CDK12: variants seen among roughly 807,000 people sequenced by gnomAD.
CDK12 encodes the protein cyclin-dependent kinase 12.
A neutral mutation model predicts 133.8 loss-of-function variants in CDK12; 17 were observed. That is an observed-to-expected ratio of 0.13 (90% CI 0.09 to 0.19). The LOEUF is 0.19. Among genes scored for constraint, CDK12 ranks in the 10% least tolerant of loss-of-function variants. The pLI, the probability that CDK12 is intolerant of heterozygous loss-of-function variation, is 1.00. For synonymous variants in CDK12, 694 were observed against 683.6 expected (o/e 1.02, Z -0.24); for missense variants, 1,508 against 1,818.7 (o/e 0.83, Z 3.11).
chr17:39,475,999 A>G (rs2050162635), intron 2 of CDK12, among the ~76,000 whole-genome samples: 1 of 152,090 alleles, frequency 6.6e-6, no homozygotes, highest in Admixed American at 6.6e-5. Flanking sequence ...CCCTTTAGCT[A>G]TAGGAACCTC....
intron 8 of CDK12, among the ~76,000 whole-genome samples, chr17:39,513,948 GT>G (rs905148050): frequency 3.3e-5 from 5 of 151,456 alleles, no homozygotes; most frequent in African/African-American, 7.3e-5. Context: ...AAACCTAGTG[GT>G]TTTTTTTTCT....
intron 2 of CDK12, among the ~76,000 whole-genome samples, chr17:39,477,896 C>T (rs1345636251): frequency 2.0e-5 from 3 of 151,150 alleles, no homozygotes; most frequent in East Asian, 3.9e-4. Flanking sequence ...TTAGTAGAGA[C>T]GGGGTTTCAC....
At chr17:39,517,160 G>C (rs2146500681) in intron 9 of CDK12, among the ~76,000 whole-genome samples, 1 of 152,212 alleles carries the variant, frequency 6.6e-6, no homozygotes, top group South Asian at 2.1e-4. Context: ...ATAAAAACCT[G>C]TATGGGGGGA....
intron 5 of CDK12, among the ~76,000 whole-genome samples, chr17:39,498,882 T>C (rs1371731118): frequency 0.69 from 124 of 180 alleles, 52 homozygotes; most frequent in African/African-American, 0.82. Context: ...TCTCTTTCTT[T>C]CTTTCTTTCT....
At chr17:39,508,028 G>GTA (rs1264544714) in intron 6 of CDK12, among the ~76,000 whole-genome samples, 1 of 152,066 alleles carries the variant, frequency 6.6e-6, no homozygotes, top group Admixed American at 6.6e-5. Context: ...TACATGTTGA[G>GTA]TATCCCCTGT....
At chr17:39,478,145 C>T (rs1259111431) in intron 2 of CDK12, among the ~76,000 whole-genome samples, 2 of 151,306 alleles carry the variant, frequency 1.3e-5, no homozygotes, top group Non-Finnish European at 2.9e-5. Flanking sequence ...GATCCTTCCA[C>T]CTTGGCATCC....
At position 39,525,919 on chromosome 17, in the gene CDK12, C is replaced by T; in HGVS notation, c.3363C>T (p.Asn1121=). 5.0e-6 allele frequency: 8 copies of T among 1,614,180 alleles called. No homozygotes were observed. Among genetic ancestry groups the T allele is most frequent in the Non-Finnish European group, 6.8e-6 (8 of 1,180,018 alleles). ...AAAGTGAATTGGCAGTGTTATTAAA[C>T]CTGCTGCAGAGCCAAACCGACCTGA... is the stretch of plus-strand genomic sequence containing the variant. ...LNQSELAVLL[N]LLQSQTDLSI... The change falls in exon 13 of 14, where the codon AAC becomes AAT. Residue 1121 remains asparagine (N), a synonymous_variant. Transcript: ENST00000447079.
chr17:39,555,886 A>AC (rs1567819906), intron 2 of CDK12, among the ~76,000 whole-genome samples: 4 of 120,792 alleles, frequency 3.3e-5, no homozygotes, highest in African/African-American at 1.4e-4. Flanking sequence ...CACACACACA[A>AC]AGCCAGGTGT....
rs755904836 is a variant in CDK12, at chr17:39,530,944, C to G, written c.4101C>G (p.Val1367=). ...GTCCAGCCTTGACAGAATCCTTGGT[C>G]CAGACCCTGGTGAAGAACAGGACCT... ...NSGPALTESL[V]QTLVKNRTFS... The change falls in exon 14 of 14, where the codon GTC becomes GTG. Residue 1367 remains valine (V), a synonymous_variant. Transcript: ENST00000447079. 1 of 1,614,198 alleles carries G rather than the reference C, an allele frequency of 6.2e-7. No individual in the cohort carries two copies. The highest frequency in any genetic ancestry group is 1.3e-5 in the African/African-American group (1 of 75,060).
upstream of CDK12, among the ~76,000 whole-genome samples, chr17:39,547,165 C>T (rs985502855): frequency 5.7e-4 from 35 of 61,066 alleles, no homozygotes; most frequent in African/African-American, 1.7e-3. Flanking sequence ...GACGGAGTTT[C>T]GCTTTTGTTG....
intron 5 of CDK12, among the ~76,000 whole-genome samples, chr17:39,496,972 C>G (rs1023828400): frequency 3.4e-5 from 5 of 145,448 alleles, no homozygotes; most frequent in African/African-American, 1.3e-4. Flanking sequence ...ACTCTGTCGC[C>G]CAGGCTCGAG....
intron 3 of CDK12, among the ~76,000 whole-genome samples, chr17:39,491,485 C>G (rs1315402147): frequency 6.6e-6 from 1 of 152,100 alleles, no homozygotes; most frequent in African/African-American, 2.4e-5. Flanking sequence ...AATCCACCGC[C>G]TTGGCCTCCC....
Position 39,532,718 on chromosome 17 carries a change from G to T in CDK12, c.*1402G>T. On this transcript the variant is annotated 3_prime_UTR_variant, in exon 14 of 14. Coordinates refer to ENST00000447079, the MANE Select transcript of CDK12 (RefSeq NM_016507.4). ...TTTCCTCCAAAGAGATTTGGATTTGGTTTTGGTAAAAGGGGTTAAATTGTG... is the reference window on the plus strand; with the variant it reads ...TTTCCTCCAAAGAGATTTGGATTTGTTTTTGGTAAAAGGGGTTAAATTGTG... The T allele has an allele frequency of 4.3e-6, 1 of 232,840 alleles. No individual in the cohort carries two copies. Among genetic ancestry groups the T allele is most frequent in the Admixed American group, 5.6e-5 (1 of 17,792 alleles). The allele number at this position is 232,840 out of a possible 1,614,324, so 14.4% of individuals were successfully genotyped here. A position where few individuals can be genotyped will look rare whatever the true frequency, so the allele number is the denominator to read the frequency against.
intron 2 of CDK12, among the ~76,000 whole-genome samples, chr17:39,555,447 T>C (rs1001338613): frequency 1.9e-4 from 29 of 151,230 alleles, no homozygotes; most frequent in African/African-American, 6.3e-4. Context: ...AGAGATGGCT[T>C]TGGTTAGAAA....
chr17:39,496,912 C>CTTTTTTTTTT (rs71147349), intron 5 of CDK12, among the ~76,000 whole-genome samples: 4 of 87,834 alleles, frequency 4.6e-5, no homozygotes, highest in Middle Eastern at 7.9e-3. Context: ...TTCAGTATAT[C>CTTTTTTTTTT]TTTTTTTTTT....
chr17:39,494,319 G>A (rs1395766302), intron 4 of CDK12, among the ~76,000 whole-genome samples: 1 of 152,114 alleles, frequency 6.6e-6, no homozygotes, highest in Non-Finnish European at 1.5e-5. Flanking sequence ...GTGATCCGCA[G>A]GCCTTGGCCT....
intron 4 of CDK12, 92 bp downstream of exon 4, chr17:39,492,982 GTGTTT>G: frequency 3.5e-6 from 4 of 1,154,334 alleles, no homozygotes; most frequent in Non-Finnish European, 4.9e-6. Context: ...AAATTCTGAG[GTGTTT>G]TGTTTGTTTG....
intron 1 of CDK12, among the ~76,000 whole-genome samples, chr17:39,466,177 A>T (rs916516508): frequency 1.3e-5 from 2 of 151,722 alleles, no homozygotes; most frequent in Non-Finnish European, 2.9e-5. Flanking sequence ...GCGTGGTGGC[A>T]TGCACCTATA....
intron 10 of CDK12, among the ~76,000 whole-genome samples, chr17:39,518,880 CT>C (rs1232949322): frequency 1.3e-5 from 2 of 152,012 alleles, no homozygotes; most frequent in African/African-American, 4.8e-5. Context: ...ATATTTTTTA[CT>C]TGTGTTATAG....
Sources: allele counts gnomAD v4.1 joint callset (sites outside exome capture counted in the v4.1 genomes callset), GRCh38; gene constraint gnomAD v4.1.1; transcripts MANE v1.5; gene names NCBI Gene and HGNC (gene_info 2026-07-23, HGNC 2026-07-21).